CDH23: variants seen among roughly 807,000 people sequenced by gnomAD.
CDH23 encodes the protein cadherin-23.
A neutral mutation model predicts 317.1 loss-of-function variants in CDH23; 189 were observed. That is an observed-to-expected ratio of 0.60 (90% confidence interval 0.53 to 0.67). CDH23 has a LOEUF of 0.67. CDH23 is among the 30% of genes least tolerant of loss of function. CDH23 has a pLI of 0.00. For synonymous variants in CDH23, 1,839 were observed against 1,876.8 expected, an observed-to-expected ratio of 0.98 and a Z score of 0.52; for missense variants, 4,401 against 4,592.4, an observed-to-expected ratio of 0.96 and a Z score of 1.20.
intron 3 of CDH23, among the ~76,000 whole-genome samples, chr10:71,482,194 C>CTCTT (rs1222291343): frequency 2.0e-5 from 3 of 152,206 alleles, no homozygotes; most frequent in African/African-American, 7.2e-5. Flanking sequence ...TGCCTTCCCT[C>CTCTT]TCTTTCTTCC....
chr10:71,644,303 G>T (rs972334618), intron 12 of CDH23, among the ~76,000 whole-genome samples: 5 of 152,252 alleles, frequency 3.3e-5, no homozygotes, highest in Admixed American at 2.0e-4. Flanking sequence ...AAACCTCTGT[G>T]CCAGTAACAG....
Position 71,807,590 on chromosome 10 carries a change from C to T in CDH23, c.8383C>T (p.Arg2795Ter), listed in dbSNP as rs768834772. The T allele has an allele frequency of 1.9e-6, 3 of 1,613,838 alleles. No homozygotes were observed. The highest frequency in any genetic ancestry group is 3.3e-5 in the Admixed American group (2 of 59,998). Residue 2795 changes from arginine to a stop codon, truncating the protein, a stop_gained, in exon 59 of 70, where the codon CGA (arginine) becomes TGA (stop). Transcript: ENST00000224721. LOFTEE classifies it high-confidence loss of function. ...LLVLRDLDRE[R>*]EAIFSFIVKA... ...GGTGCTGCGGGACCTGGACCGGGAG[C>T]GAGAAGCCATCTTCTCCTTCATCGT... is the stretch of plus-strand genomic sequence containing the variant.
At chr10:71,648,120 G>A (rs1303289985) in intron 14 of CDH23, among the ~76,000 whole-genome samples, 1 of 152,216 alleles carries the variant, frequency 6.6e-6, no homozygotes, top group Non-Finnish European at 1.5e-5. Context: ...CAGGCTGTCA[G>A]ACGTAAACAA....
At chr10:71,568,711 C>T (rs546931244) in intron 7 of CDH23, among the ~76,000 whole-genome samples, 3 of 152,280 alleles carry the variant, frequency 2.0e-5, no homozygotes, top group African/African-American at 7.2e-5. Flanking sequence ...CTCGGCCTGG[C>T]ATTGCGGGCA....
At chr10:71,765,709 C>T (rs1242401740) in intron 38 of CDH23, among the ~76,000 whole-genome samples, 1 of 152,090 alleles carries the variant, frequency 6.6e-6, no homozygotes, top group African/African-American at 2.4e-5. Flanking sequence ...ATTGCTCAAT[C>T]CCCCACACCT....
intron 6 of CDH23, among the ~76,000 whole-genome samples, chr10:71,538,959 G>A (rs142012212): frequency 6.8e-4 from 104 of 152,178 alleles, no homozygotes; most frequent in Non-Finnish European, 1.3e-3. Flanking sequence ...ACAAAAGCCT[G>A]AAGCCCTGAA....
rs532837857 is a variant in CDH23, at chr10:71,788,857, C to T, written c.5821-83C>T. 65 of 752,438 alleles carry T rather than the reference C, an allele frequency of 8.6e-5. No homozygotes were observed. The African/African-American group carries it at 9.2e-4, about 11-fold the overall frequency. The allele number at this position is 752,438 out of a possible 1,614,324, so 46.6% of individuals were successfully genotyped here. On this transcript the variant is annotated intron_variant, in intron 44 of 69. Transcript: ENST00000224721. ...ATCATCCACCTCTGTGCCCCAATCCCCAACCTCCCAACCCTCCTCCCACCT... is the reference window on the plus strand; with the variant it reads ...ATCATCCACCTCTGTGCCCCAATCCTCAACCTCCCAACCCTCCTCCCACCT...
rs1212886069 is a variant in CDH23, at chr10:71,690,564, T to C, written c.2156T>C (p.Phe719Ser). ...IIYSLEGSTQ[F>S]RINARSGEIT... ...TACTCCTTGGAAGGCTCCACCCAGT[T>C]TCGGATCAATGCCCGCTCAGGTGAG... Residue 719 changes from phenylalanine (F) to serine (S), a missense_variant, in exon 20 of 70, where the codon TTT becomes TCT. By Grantham distance (155) the Phe-to-Ser change is radical. Around this residue, in one of 3 missense-constraint regions of CDH23, gnomAD observed 3,068 missense variants for 3,203.3 expected, o/e 0.96. Coordinates refer to ENST00000224721, the MANE Select transcript of CDH23 (RefSeq NM_022124.6). 2 of 1,604,612 alleles carry C rather than the reference T, an allele frequency of 1.2e-6. No individual in the cohort carries two copies. Among genetic ancestry groups the C allele is most frequent in the Admixed American group, 1.7e-5 (1 of 59,162 alleles).
intron 3 of CDH23, among the ~76,000 whole-genome samples, chr10:71,484,152 G>A (rs943224832): frequency 6.6e-6 from 1 of 152,174 alleles, no homozygotes; most frequent in African/African-American, 2.4e-5. Context: ...GAGGACGCGA[G>A]AACAGTCGAG....
chr10:71,466,602 G>A (rs1383740831), intron 3 of CDH23, among the ~76,000 whole-genome samples: 2 of 152,102 alleles, frequency 1.3e-5, no homozygotes, highest in Admixed American at 6.5e-5. Flanking sequence ...ATGTGTATAT[G>A]AGAGTGTGTG....
chr10:71,483,920 G>A (rs1852205308), intron 3 of CDH23, among the ~76,000 whole-genome samples: 1 of 151,556 alleles, frequency 6.6e-6, no homozygotes, highest in African/African-American at 2.4e-5. Context: ...ACACACACAT[G>A]CCCCCTCACA....
intron 55 of CDH23, among the ~76,000 whole-genome samples, chr10:71,804,023 C>T: frequency 6.6e-6 from 1 of 151,286 alleles, no homozygotes; most frequent in East Asian, 1.9e-4. Flanking sequence ...AAGTCTAACT[C>T]TATCGCTTAT....
In CDH23 at chr10:71,677,497, C is replaced by G. The variant is rs771355930; in HGVS notation, c.1556C>G (p.Ala519Gly). ...GACACGGGACTCATCATGCTGATTG[C>G]CAGGCTGGACTATGAGCTCATCCAG... is the stretch of plus-strand genomic sequence containing the variant. ...DKDTGLIMLI[A>G]RLDYELIQRF... Residue 519 changes from alanine (A) to glycine (G), a missense_variant, in exon 16 of 70, where the codon GCC becomes GGC. Physicochemically the swap from Ala to Gly is moderately conservative, Grantham distance 60. Around this residue, in one of 3 missense-constraint regions of CDH23, gnomAD observed 3,068 missense variants for 3,203.3 expected, o/e 0.96. Coordinates refer to ENST00000224721, the MANE Select transcript of CDH23 (RefSeq NM_022124.6). 6.2e-7 allele frequency: 1 copy of G among 1,611,680 alleles called. No individual in the cohort carries two copies. Among genetic ancestry groups the G allele is most frequent in the Non-Finnish European group, 8.5e-7 (1 of 1,179,178 alleles).
intron 6 of CDH23, among the ~76,000 whole-genome samples, chr10:71,536,759 GAGA>G (rs1383568732): frequency 2.0e-5 from 3 of 152,110 alleles, no homozygotes; most frequent in Admixed American, 6.5e-5. Context: ...AGGTCTTCAG[GAGA>G]AGGTCACAAT....
rs1589419580 is a variant in CDH23 at position 71,784,414 on chromosome 10, C to T, written c.5496C>T (p.Ser1832=). ...GTGACCGGGGGATGCCCCCACTCAG[C>T]TCCACAGTGAGTCTGGGGGCCCCAC... ...CARDRGMPPL[S]STMLVGIRVL... The change falls in exon 42 of 70, where the codon AGC becomes AGT. Residue 1832 remains serine (S), a synonymous_variant. Transcript: ENST00000224721. The T allele has an allele frequency of 6.2e-7, 1 of 1,612,656 alleles. No homozygotes were observed. The highest frequency in any genetic ancestry group is 8.5e-7 in the Non-Finnish European group (1 of 1,179,134).
intron 1 of CDH23, among the ~76,000 whole-genome samples, chr10:71,438,366 G>A (rs200554267): frequency 1.9e-4 from 25 of 134,292 alleles, no homozygotes; most frequent in Middle Eastern, 3.9e-3. Context: ...AAAAAAAAAA[G>A]AAAGAAAGAA....
In CDH23 at chr10:71,732,196, G is replaced by A. The variant is rs111033468; in HGVS notation, c.3925G>A (p.Glu1309Lys). ...VYITLLNELD[E>K]AVQFSNASYE... ...CATCACTCTGCTCAACGAGCTGGAC[G>A]AGGCCGTGCAGTTCTCCAATGCCTC... is the stretch of plus-strand genomic sequence containing the variant. The change falls in exon 32 of 70, where the codon GAG becomes AAG. Residue 1309 changes from glutamate (E) to lysine (K), a missense_variant. Around this residue, in one of 3 missense-constraint regions of CDH23, gnomAD observed 3,068 missense variants for 3,203.3 expected, o/e 0.96. Transcript: ENST00000224721. 2.5e-6 allele frequency: 4 copies of A among 1,613,886 alleles called. No homozygotes were observed. Among genetic ancestry groups the A allele is most frequent in the African/African-American group, 2.7e-5 (2 of 75,056 alleles).
intron 3 of CDH23, among the ~76,000 whole-genome samples, chr10:71,500,018 C>CAAAAAAAA (rs34690494): frequency 1.1e-5 from 1 of 94,840 alleles, no homozygotes; most frequent in East Asian, 3.0e-4. Flanking sequence ...GACTCCATCT[C>CAAAAAAAA]AAAAAAAAAA....
intron 38 of CDH23, among the ~76,000 whole-genome samples, chr10:71,774,508 C>T (rs987602712): frequency 1.1e-4 from 17 of 152,206 alleles, no homozygotes; most frequent in African/African-American, 3.9e-4. Flanking sequence ...GTTCTTCTTC[C>T]GGCTGTTCTG....
Sources: gnomAD v4.1 joint callset for allele counts (sites outside exome capture counted in the v4.1 genomes callset) on GRCh38, gnomAD v4.1.1 for gene constraint, gnomAD v4.1.1 regional missense constraint, MANE v1.5 for transcripts, NCBI Gene and HGNC (gene_info 2026-07-23, HGNC 2026-07-21) for gene names.